PUDP: variants seen among roughly 807,000 people sequenced by gnomAD.
The protein encoded by PUDP is pseudouridine-5'-phosphatase.
In PUDP, 8 loss-of-function variants were observed where a neutral mutation model predicts 9.4. The ratio of observed to expected loss-of-function variants is 0.85; its 90% CI spans 0.50 to 1.53. The LOEUF (loss-of-function observed/expected upper bound fraction) is 1.53. PUDP is among the 40% of genes most tolerant of loss of function. PUDP has a pLI of 0.00. For synonymous variants in PUDP, 99 were observed against 80.7 expected, an observed-to-expected ratio of 1.23 and a Z score of -1.22; for missense variants, 188 against 189.7, an observed-to-expected ratio of 0.99 and a Z score of 0.05.
intron 3 of PUDP, among the ~76,000 whole-genome samples, chrX:6,908,586 T>C (rs766243276): frequency 2.4e-4 from 27 of 111,510 alleles, no homozygotes; most frequent in African/African-American, 4.9e-4. Context: ...TTTTTGGACA[T>C]AGATGTGTGA....
downstream of PUDP, among the ~76,000 whole-genome samples, chrX:7,045,033 C>A (rs973140079): frequency 2.7e-5 from 3 of 112,156 alleles, no homozygotes; most frequent in Non-Finnish European, 5.6e-5. Flanking sequence ...TGTCCCCCCC[C>A]AAATCTCATC....
At chrX:7,016,312 C>A (rs1929548138) in intron 1 of PUDP, among the ~76,000 whole-genome samples, 1 of 110,799 alleles carries the variant, frequency 9.0e-6, no homozygotes, top group Non-Finnish European at 1.9e-5. Flanking sequence ...GTACTGCTTT[C>A]TGAGCCTTAG....
chrX:6,922,670 C>A (rs189280342), intron 3 of PUDP, among the ~76,000 whole-genome samples: 1 of 111,866 alleles, frequency 8.9e-6, no homozygotes, highest in South Asian at 3.8e-4. Flanking sequence ...TCTGCTCTGA[C>A]TTCACAGAAA....
At chrX:6,947,747 A>G (rs901495045) in intron 3 of PUDP, among the ~76,000 whole-genome samples, 2 of 109,824 alleles carry the variant, frequency 1.8e-5, no homozygotes, top group Non-Finnish European at 3.8e-5. Flanking sequence ...CACTGTGATC[A>G]CACCAGACGT....
chrX:6,943,264 G>C (rs1313933811), intron 3 of PUDP, among the ~76,000 whole-genome samples: 2 of 111,890 alleles, frequency 1.8e-5, no homozygotes, highest in African/African-American at 3.2e-5. Flanking sequence ...CATCCCCAGA[G>C]AGCCCTCATC....
chrX:6,744,023 A>G (rs766673095), intron 3 of PUDP, among the ~76,000 whole-genome samples: 27 of 111,532 alleles, frequency 2.4e-4, no homozygotes, highest in African/African-American at 8.9e-4. Flanking sequence ...CATGGAGGTC[A>G]AAAGTTGTTG....
intron 2 of PUDP, among the ~76,000 whole-genome samples, chrX:7,081,533 C>T (rs929076705): frequency 1.1e-4 from 12 of 112,541 alleles, no homozygotes; most frequent in African/African-American, 3.9e-4. Context: ...AACAAACACA[C>T]ACCAATGTGT....
At chrX:7,022,055 T>A (rs1382960197) in intron 1 of PUDP, among the ~76,000 whole-genome samples, 1 of 111,588 alleles carries the variant, frequency 9.0e-6, no homozygotes, top group Non-Finnish European at 1.9e-5. Flanking sequence ...AACTGGACTG[T>A]GGGCACCATC....
At chrX:6,965,594 G>A (rs971166580) in intron 3 of PUDP, among the ~76,000 whole-genome samples, 1 of 111,645 alleles carries the variant, frequency 9.0e-6, no homozygotes, top group East Asian at 2.8e-4. Flanking sequence ...GTATACAAAT[G>A]CTAAAGAGCA....
intron 3 of PUDP, among the ~76,000 whole-genome samples, chrX:6,931,477 T>C (rs6530005): frequency 0.28 from 31,154 of 111,144 alleles, 3,469 homozygotes; most frequent in Admixed American, 0.38. Flanking sequence ...TGACCAGCTT[T>C]GCATTATATT....
chrX:6,786,793 A>C (rs545461704), intron 3 of PUDP, among the ~76,000 whole-genome samples: 1 of 112,137 alleles, frequency 8.9e-6, no homozygotes, highest in African/African-American at 3.2e-5. Flanking sequence ...TTTGTTCCAC[A>C]GTACCTTATA....
At chrX:7,013,879 A>G (rs1046295454) in intron 1 of PUDP, among the ~76,000 whole-genome samples, 24 of 111,890 alleles carry the variant, frequency 2.1e-4, no homozygotes, top group African/African-American at 6.5e-4. Context: ...CCTTTTCACA[A>G]GGGCAGAGGG....
chrX:7,052,857 G>A (rs1270349453), intron 3 of PUDP, among the ~76,000 whole-genome samples: 1 of 111,690 alleles, frequency 9.0e-6, no homozygotes, highest in East Asian at 2.8e-4. Flanking sequence ...AACAGCCTCT[G>A]ATGCCCCCTG....
At chrX:6,933,267 G>T (rs1206831124) in intron 3 of PUDP, among the ~76,000 whole-genome samples, 1 of 109,830 alleles carries the variant, frequency 9.1e-6, no homozygotes, top group African/African-American at 3.3e-5. Context: ...TCACATGGCC[G>T]GGTACTCCTC....
At chrX:6,986,262 C>T (rs1489773747) in intron 1 of PUDP, among the ~76,000 whole-genome samples, 1 of 111,809 alleles carries the variant, frequency 8.9e-6, no homozygotes, top group Admixed American at 9.5e-5. Flanking sequence ...TCAATTTACT[C>T]TGCAGATTTG....
chrX:6,761,695 G>C (rs1602609760), intron 3 of PUDP, among the ~76,000 whole-genome samples: 4 of 112,000 alleles, frequency 3.6e-5, no homozygotes, highest in African/African-American at 1.3e-4. Flanking sequence ...GATGCTGATG[G>C]GTTTGAAATA....
At chrX:7,117,115 G>T in intron 1 of PUDP, 1 of 1,106,461 alleles carries the variant, frequency 9.0e-7, no homozygotes, top group Non-Finnish European at 1.2e-6. Flanking sequence ...ATGCAAGCAC[G>T]GCCTAATACA....
rs1052084371 is a variant in PUDP at position 6,783,195 on chromosome X, A to G, written c.*248-76729T>C. On this transcript the variant is annotated intron_variant and NMD_transcript_variant, in intron 3 of 3. Coordinates refer to the PUDP transcript ENST00000655425. ...GCACTCCTAATTTTGCTTTAAAGAT[A>G]ATAATATTGATTCTTGCAGAATGTA... 6.2e-5 allele frequency among the ~76,000 whole-genome samples: 7 copies of G among 112,147 alleles called. No homozygotes were observed. In the East Asian group the frequency reaches 1.7e-3, roughly 27 times the overall value.
chrX:7,018,691 G>A (rs1929586192), intron 1 of PUDP, among the ~76,000 whole-genome samples: 1 of 112,060 alleles, frequency 8.9e-6, no homozygotes, highest in Admixed American at 9.5e-5. Flanking sequence ...TAACTTGCTG[G>A]TTCTCCATGG....
Sources: allele counts gnomAD v4.1 joint callset (sites outside exome capture counted in the v4.1 genomes callset), GRCh38; gene constraint gnomAD v4.1.1; transcripts MANE v1.5; gene names NCBI Gene and HGNC (gene_info 2026-07-23, HGNC 2026-07-21).